Variants in EFHD1 observed in about 807,000 individuals in gnomAD.
EFHD1 encodes EF-hand domain family member D1.
In EFHD1, 10 loss-of-function variants were observed where a neutral mutation model predicts 17.2. That is an observed-to-expected ratio of 0.58 (90% CI 0.36 to 0.99). The LOEUF is 0.99. Among genes scored for constraint, EFHD1 ranks in the 50% least tolerant of loss-of-function variants. EFHD1 has a pLI of 0.01. For missense variants in EFHD1, 310 were observed against 327.5 expected, an observed-to-expected ratio of 0.95 and a Z score of 0.41; for synonymous variants, 153 against 142.0, an observed-to-expected ratio of 1.08 and a Z score of -0.55.
chr2:232,633,600 C>G, upstream of EFHD1: 4 of 1,306,858 alleles, frequency 3.1e-6, no homozygotes, highest in Non-Finnish European at 3.9e-6. Flanking sequence ...CCCGCCGCCT[C>G]GGCGGAGTGT....
At position 232,660,415 on chromosome 2, in the gene EFHD1, C is replaced by T. The variant is rs951771399; in HGVS notation, c.303-2387C>T. Among the ~76,000 whole-genome samples the T allele has an allele frequency of 5.3e-5, 8 of 151,432 alleles. No individual in the cohort carries two copies. In the East Asian group the frequency reaches 5.9e-4, roughly 11 times the overall value. On this transcript the variant is annotated intron_variant, in intron 1 of 3. Transcript: ENST00000264059. ...TTCACCGTGTTAGCCAGGATGGTCT[C>T]GATCTTGTTCTCCTGACCTCGTGAT...
intron 2 of EFHD1, among the ~76,000 whole-genome samples, chr2:232,667,409 A>G (rs893784145): frequency 2.6e-5 from 4 of 152,134 alleles, no homozygotes. Flanking sequence ...GCGGACCGGC[A>G]TGAGAGATGG....
chr2:232,644,034 GGAGTGCTGTGTGTGCAGTTGGTGCT>G (rs1330609278), intron 1 of EFHD1, among the ~76,000 whole-genome samples: 3 of 152,168 alleles, frequency 2.0e-5, no homozygotes, highest in East Asian at 3.9e-4. Flanking sequence ...CCCACAGCTA[GGAGTGCTGTGTGTGCAGTTGGTGCT>G]GAGTGGGCTG....
chr2:232,651,146 C>G (rs2106204188), intron 1 of EFHD1, among the ~76,000 whole-genome samples: 1 of 152,284 alleles, frequency 6.6e-6, no homozygotes, highest in African/African-American at 2.4e-5. Context: ...TGGGGTCTCA[C>G]TGGGGCCAGG....
intron 1 of EFHD1, among the ~76,000 whole-genome samples, chr2:232,637,128 A>C (rs1694332431): frequency 6.6e-6 from 1 of 152,212 alleles, no homozygotes; most frequent in Non-Finnish European, 1.5e-5. Context: ...TAGTTCTGGA[A>C]ATCAGAAGTC....
At chr2:232,660,882 G>A (rs531334761) in intron 1 of EFHD1, among the ~76,000 whole-genome samples, 1 of 152,212 alleles carries the variant, frequency 6.6e-6, no homozygotes, top group African/African-American at 2.4e-5. Flanking sequence ...GGAGACTGAG[G>A]CAGGAGAATC....
intron 3 of EFHD1, among the ~76,000 whole-genome samples, chr2:232,678,577 G>A (rs1326398604): frequency 6.6e-6 from 1 of 152,162 alleles, no homozygotes; most frequent in African/African-American, 2.4e-5. Flanking sequence ...CTGAGGTGGA[G>A]AGTTCGAAAC....
intron 3 of EFHD1, among the ~76,000 whole-genome samples, chr2:232,675,217 A>G (rs571496115): frequency 1.3e-5 from 2 of 150,004 alleles, no homozygotes; most frequent in South Asian, 2.1e-4. Flanking sequence ...GAAGGAAGGA[A>G]GGAAGGAGAA....
chr2:232,653,934 C>T (rs115695671), intron 1 of EFHD1, among the ~76,000 whole-genome samples: 220 of 152,156 alleles, frequency 1.4e-3, no homozygotes, highest in African/African-American at 4.7e-3. Flanking sequence ...GGGCCAGGCC[C>T]GGTGGCTCAG....
intron 1 of EFHD1, among the ~76,000 whole-genome samples, chr2:232,609,983 G>A (rs965931134): frequency 7.9e-5 from 12 of 152,124 alleles, no homozygotes; most frequent in Admixed American, 3.3e-4. Flanking sequence ...CAGGGGCAGC[G>A]TCCCCAAAAC....
intron 1 of EFHD1, among the ~76,000 whole-genome samples, chr2:232,623,792 C>T (rs1396211828): frequency 6.6e-6 from 1 of 152,112 alleles, no homozygotes; most frequent in Non-Finnish European, 1.5e-5. Context: ...GTCCTTCCTG[C>T]CTGCGTGAGT....
At chr2:232,638,337 G>A (rs1694356889) in intron 1 of EFHD1, 1 of 471,130 alleles carries the variant, frequency 2.1e-6, no homozygotes, top group Non-Finnish European at 4.4e-6. Context: ...AAAAGCTTGT[G>A]TTTTAATTCC....
rs184812051 is a variant in EFHD1 at position 232,678,545 on chromosome 2, G to A, written c.586-3040G>A. On this transcript the variant is annotated intron_variant, in intron 3 of 3. Transcript: ENST00000264059. ...CATGCCTGTAATCCTAGGACTTTGG[G>A]AGGCCGAGGCGGTTGGATCACCTGA... Among the ~76,000 whole-genome samples, 486 of 152,308 alleles carry A rather than the reference G, an allele frequency of 3.2e-3. 2 individuals are homozygous for A. The highest frequency in any genetic ancestry group is 0.011 in the African/African-American group (462 of 41,558).
intron 1 of EFHD1, among the ~76,000 whole-genome samples, chr2:232,611,277 G>A (rs1693811306): frequency 6.8e-6 from 1 of 147,798 alleles, no homozygotes; most frequent in African/African-American, 2.5e-5. Flanking sequence ...GCCTCCAGGG[G>A]CTTCTTGATA....
At chr2:232,631,087 C>T (rs570267331), upstream of EFHD1, among the ~76,000 whole-genome samples, 50 of 152,004 alleles carry the variant, frequency 3.3e-4, no homozygotes, top group Non-Finnish European at 6.6e-4. Flanking sequence ...ATTAGCTGGG[C>T]TTGGTGGTGG....
intron 3 of EFHD1, among the ~76,000 whole-genome samples, chr2:232,677,077 A>G (rs1310849070): frequency 6.6e-6 from 1 of 152,072 alleles, no homozygotes; most frequent in African/African-American, 2.4e-5. Context: ...TTATAATTCC[A>G]TAAAAGTAAA....
chr2:232,614,609 T>C (rs974625536), intron 1 of EFHD1, among the ~76,000 whole-genome samples: 1 of 152,218 alleles, frequency 6.6e-6, no homozygotes, highest in Non-Finnish European at 1.5e-5. Context: ...GAGTGGATTG[T>C]TTGGCAATTG....
At chr2:232,652,272 C>T (rs916009846) in intron 1 of EFHD1, among the ~76,000 whole-genome samples, 3 of 152,178 alleles carry the variant, frequency 2.0e-5, no homozygotes, top group Non-Finnish European at 4.4e-5. Context: ...TATTCAGAAA[C>T]GTGACTCCTA....
At chr2:232,667,494 G>A (rs1455255493) in intron 2 of EFHD1, among the ~76,000 whole-genome samples, 1 of 151,920 alleles carries the variant, frequency 6.6e-6, no homozygotes, top group African/African-American at 2.4e-5. Flanking sequence ...ACTGTGTCTC[G>A]TCCTTGGGTT....
Sources: gnomAD v4.1 joint callset for allele counts (sites outside exome capture counted in the v4.1 genomes callset) on GRCh38, gnomAD v4.1.1 for gene constraint, MANE v1.5 for transcripts, NCBI Gene and HGNC (gene_info 2026-07-23, HGNC 2026-07-21) for gene names.